Variants in KCNK2 observed in about 807,000 individuals in gnomAD.
KCNK2 encodes the protein potassium two pore domain channel subfamily K member 2.
KCNK2 carries 21 observed loss-of-function variants against 40.5 expected under a neutral mutation model. The ratio of observed to expected loss-of-function variants is 0.52; its 90% CI spans 0.37 to 0.75. The LOEUF (loss-of-function observed/expected upper bound fraction) is 0.75. KCNK2 is among the 30% of genes least tolerant of loss of function. KCNK2 has a pLI of 0.00. For synonymous variants in KCNK2, 191 were observed against 202.2 expected (o/e 0.94, Z 0.47); for missense variants, 399 against 531.6 (o/e 0.75, Z 2.45).
intron 1 of KCNK2, among the ~76,000 whole-genome samples, chr1:215,053,188 G>A (rs1431390222): frequency 6.6e-6 from 1 of 152,112 alleles, no homozygotes. Context: ...TAAAATGCAG[G>A]CAAGGTGAAC....
At chr1:215,195,168 T>A (rs1243953006) in intron 6 of KCNK2, 76 bp downstream of exon 6, 8 of 1,184,340 alleles carry the variant, frequency 6.8e-6, no homozygotes, top group Non-Finnish European at 9.3e-6. Context: ...TTTTTATGTT[T>A]ACATTTAAAA....
chr1:215,200,388 A>G (rs75642447), intron 6 of KCNK2, among the ~76,000 whole-genome samples: 2 of 152,300 alleles, frequency 1.3e-5, no homozygotes, highest in African/African-American at 4.8e-5. Flanking sequence ...GAGGCTCTTT[A>G]TCTTTGCCAG....
intron 6 of KCNK2, among the ~76,000 whole-genome samples, chr1:215,216,541 C>A (rs866691793): frequency 2.0e-5 from 3 of 149,006 alleles, no homozygotes; most frequent in African/African-American, 7.4e-5. Flanking sequence ...TGTTATATAT[C>A]ATATATAGAA....
chr1:215,039,159 C>T (rs1657482373), intron 1 of KCNK2, among the ~76,000 whole-genome samples: 1 of 152,016 alleles, frequency 6.6e-6, no homozygotes, highest in Admixed American at 6.6e-5. Flanking sequence ...AATTTGGAGT[C>T]AATTTGTAAG....
intron 6 of KCNK2, among the ~76,000 whole-genome samples, chr1:215,199,357 G>T (rs1664992223): frequency 1.3e-5 from 2 of 152,102 alleles, no homozygotes; most frequent in South Asian, 4.1e-4. Context: ...TGTTTCCAAT[G>T]AAGAATAGTT....
intron 1 of KCNK2, among the ~76,000 whole-genome samples, chr1:215,041,644 A>G (rs1202492579): frequency 1.3e-5 from 2 of 152,176 alleles, no homozygotes; most frequent in Non-Finnish European, 2.9e-5. Flanking sequence ...TCCTTAAACT[A>G]TGTGTTGAAT....
chr1:215,018,998 C>CA (rs72095533), intron 1 of KCNK2, among the ~76,000 whole-genome samples: 26 of 138,790 alleles, frequency 1.9e-4, no homozygotes, highest in African/African-American at 3.0e-4. Flanking sequence ...CACACACACA[C>CA]AAAAAAAAAA....
At chr1:215,047,375 C>T (rs1657813191) in intron 1 of KCNK2, among the ~76,000 whole-genome samples, 1 of 151,950 alleles carries the variant, frequency 6.6e-6, no homozygotes, top group African/African-American at 2.4e-5. Flanking sequence ...AAAGAGTTAA[C>T]ATTATTATCT....
chr1:215,007,456 G>T (rs553183509), intron 1 of KCNK2, among the ~76,000 whole-genome samples: 1 of 151,926 alleles, frequency 6.6e-6, no homozygotes, highest in Admixed American at 6.6e-5. Context: ...AGCTCTTGGA[G>T]TCAAATTTCT....
At chr1:215,095,004 C>T (rs894422789) in intron 2 of KCNK2, among the ~76,000 whole-genome samples, 1 of 152,006 alleles carries the variant, frequency 6.6e-6, no homozygotes, top group African/African-American at 2.4e-5. Flanking sequence ...AGAGCTCAGT[C>T]AGACAGACAG....
At chr1:215,131,028 T>G (rs1661650363) in intron 3 of KCNK2, among the ~76,000 whole-genome samples, 1 of 151,022 alleles carries the variant, frequency 6.6e-6, no homozygotes, top group Admixed American at 6.6e-5. Context: ...GCCCGGCTAA[T>G]TTTTTGTATT....
rs541989458 is a variant in KCNK2, at chr1:215,184,332, A to C, written c.824-10621A>C. Among the ~76,000 whole-genome samples the C allele has an allele frequency of 6.4e-4, 98 of 152,316 alleles. 1 individual carries two copies. Among genetic ancestry groups the C allele is most frequent in the African/African-American group, 2.1e-3 (89 of 41,578 alleles). On this transcript the variant is annotated intron_variant, in intron 5 of 6. Coordinates refer to ENST00000444842, the MANE Select transcript of KCNK2 (RefSeq NM_001017425.3). ...AACAAAAATATACTTGTGATGCATTAATCTTAGGCTGTCTTATCACTTTTT... is the reference window on the plus strand; with the variant it reads ...AACAAAAATATACTTGTGATGCATTCATCTTAGGCTGTCTTATCACTTTTT...
intron 1 of KCNK2, among the ~76,000 whole-genome samples, chr1:215,036,269 GTTCCAGCACTATTTGT>G (rs539739812): frequency 5.9e-4 from 90 of 151,708 alleles, no homozygotes; most frequent in Non-Finnish European, 1.0e-3. Context: ...ATATCCAGTT[GTTCCAGCACTATTTGT>G]TGAAAGGACA....
At chr1:215,168,814 C>T (rs1284686656) in intron 3 of KCNK2, among the ~76,000 whole-genome samples, 2 of 151,818 alleles carry the variant, frequency 1.3e-5, no homozygotes, top group Non-Finnish European at 2.9e-5. Flanking sequence ...CACATGTATA[C>T]CTAGGTAACA....
chr1:215,147,025 A>C (rs752685539), intron 3 of KCNK2, among the ~76,000 whole-genome samples: 1 of 152,264 alleles, frequency 6.6e-6, no homozygotes, highest in Non-Finnish European at 1.5e-5. Context: ...ATATAGTAAT[A>C]GAGTGATGTC....
At chr1:215,062,224 A>C (rs2102508456) in intron 1 of KCNK2, among the ~76,000 whole-genome samples, 1 of 152,286 alleles carries the variant, frequency 6.6e-6, no homozygotes, top group South Asian at 2.1e-4. Context: ...TATACTGGAA[A>C]CCAAAGACAA....
intron 1 of KCNK2, among the ~76,000 whole-genome samples, chr1:215,038,628 G>A (rs532312920): frequency 1.0e-3 from 152 of 152,056 alleles, no homozygotes; most frequent in Non-Finnish European, 1.4e-3. Context: ...TTTGCTAAGG[G>A]ACATAAAAAC....
At chr1:215,088,094 C>T (rs1306400509) in intron 2 of KCNK2, among the ~76,000 whole-genome samples, 3 of 152,026 alleles carry the variant, frequency 2.0e-5, no homozygotes, top group Non-Finnish European at 4.4e-5. Flanking sequence ...ATTGTCCCAA[C>T]TGCCCCCTTC....
intron 2 of KCNK2, among the ~76,000 whole-genome samples, chr1:215,090,650 A>C (rs369588044): frequency 6.6e-6 from 1 of 152,220 alleles, no homozygotes; most frequent in East Asian, 1.9e-4. Context: ...AGTTGAATCA[A>C]TTATAAGGTT....
Sources: allele counts gnomAD v4.1 joint callset (sites outside exome capture counted in the v4.1 genomes callset), GRCh38; gene constraint gnomAD v4.1.1; transcripts MANE v1.5; gene names NCBI Gene and HGNC (gene_info 2026-07-23, HGNC 2026-07-21).